Variants in CIC observed in about 807,000 individuals in gnomAD.
CIC encodes the protein capicua transcriptional repressor.
In CIC, 18 loss-of-function variants were observed where a neutral mutation model predicts 115.7. The observed-to-expected ratio is 0.16, with a 90% CI of 0.11 to 0.23. The LOEUF (loss-of-function observed/expected upper bound fraction) is 0.23. CIC is among the 10% of genes least tolerant of loss of function. The probability of loss-of-function intolerance (pLI) is 1.00; values close to 1 mark genes in which losing one functional copy is unlikely to be tolerated. For missense variants in CIC, 2,000 were observed against 2,159.3 expected (o/e 0.93, Z 1.46); for synonymous variants, 1,076 against 923.0 (o/e 1.17, Z -3.01).
intron 2 of CIC, among the ~76,000 whole-genome samples, chr19:42,282,713 T>A (rs2037315820): frequency 6.6e-6 from 1 of 152,234 alleles, no homozygotes. Flanking sequence ...TGCCACAGTT[T>A]ATTCAATCTC....
intron 19 of CIC, 66 bp from the exon 20 acceptor site, chr19:42,294,538 C>G: frequency 6.2e-7 from 1 of 1,607,392 alleles, no homozygotes. Context: ...TGGGTGGGCA[C>G]TCAGACGGTG....
chr19:42,282,089 C>T (rs1019229787), intron 2 of CIC, among the ~76,000 whole-genome samples: 1 of 152,152 alleles, frequency 6.6e-6, no homozygotes, highest in Non-Finnish European at 1.5e-5. Flanking sequence ...CCTCACATTG[C>T]AGTCCCTGGG....
chr19:42,278,111 G>A (rs1395752445), intron 2 of CIC, among the ~76,000 whole-genome samples: 1 of 152,242 alleles, frequency 6.6e-6, no homozygotes. Context: ...ATTTGCTTCC[G>A]CTGGGGGACT....
At chr19:42,284,870 G>C in intron 2 of CIC, 1 of 1,086,550 alleles carries the variant, frequency 9.2e-7, no homozygotes, top group South Asian at 1.3e-5. Flanking sequence ...GAGAACAGTA[G>C]AGGCAGAGTA....
rs536413486 is a variant in CIC at position 42,295,242 on chromosome 19, C to T, written c.*51C>T. 9 of 1,497,546 alleles carry T rather than the reference C, an allele frequency of 6.0e-6. No individual in the cohort carries two copies. Among genetic ancestry groups the T allele is most frequent in the Admixed American group, 2.0e-5 (1 of 50,470 alleles). The allele number at this position is 1,497,546 out of a possible 1,614,324, so 92.8% of individuals were successfully genotyped here. On this transcript the variant is annotated 3_prime_UTR_variant, in exon 21 of 21. Transcript: ENST00000681038. Reference sequence around the variant, plus strand: ...TTATAGTACCCCCTCAGGACATGGACAGTATGTGGGGGCAGGAAGGTTATC... The same window carrying T: ...TTATAGTACCCCCTCAGGACATGGATAGTATGTGGGGGCAGGAAGGTTATC...
Position 42,295,648 on chromosome 19 carries a change from C to A in CIC, c.*457C>A, listed in dbSNP as rs1397083948. ...ACGGGGAGGGTTTTCTCCTCACCCCCTCTGCCCTCCCAACTTGGGTTGTAC... is the reference window on the plus strand; with the variant it reads ...ACGGGGAGGGTTTTCTCCTCACCCCATCTGCCCTCCCAACTTGGGTTGTAC... On this transcript the variant is annotated 3_prime_UTR_variant, in exon 21 of 21. Transcript: ENST00000681038. 4.2e-6 allele frequency: 1 copy of A among 236,126 alleles called. No individual in the cohort carries two copies. Among genetic ancestry groups the A allele is most frequent in the East Asian group, 6.1e-5 (1 of 16,352 alleles). The allele number at this position is 236,126 out of a possible 1,614,324, so 14.6% of individuals were successfully genotyped here. A position where few individuals can be genotyped will look rare whatever the true frequency, so the allele number is the denominator to read the frequency against.
intron 2 of CIC, among the ~76,000 whole-genome samples, chr19:42,282,961 T>C (rs762467099): frequency 2.0e-5 from 3 of 152,170 alleles, no homozygotes; most frequent in Non-Finnish European, 4.4e-5. Flanking sequence ...CCCTGCCTTA[T>C]ACTGCTAGAC....
rs1449982993 is a variant in CIC, at chr19:42,272,576, G to A, written c.793G>A (p.Val265Met). The A allele has an allele frequency of 4.3e-5, 17 of 398,550 alleles. No individual in the cohort carries two copies. The South Asian group carries it at 6.4e-4, about 15-fold the overall frequency. 24.7% of individuals were successfully genotyped at this position (398,550 alleles called of 1,614,324 possible). ...TGCCACACCCCCACCAGGTGCCCTG[G>A]TGGTGGGCACAGCTGTCTGTACCTG... ...LDATPPPGALVVGTAVCTCVE... is the reference protein window; with the variant it reads ...LDATPPPGALMVGTAVCTCVE... Residue 265 changes from valine (V) to methionine (M), a missense_variant, in exon 2 of 21, where the codon GTG becomes ATG. Transcript: ENST00000681038.
chr19:42,295,421 A>G lies in CIC; in HGVS notation c.*230A>G, dbSNP rs1355174553. 3.5e-5 allele frequency: 19 copies of G among 548,128 alleles called. No individual in the cohort carries two copies. Among genetic ancestry groups the G allele is most frequent in the Middle Eastern group, 4.7e-4 (1 of 2,132 alleles). The allele number at this position is 548,128 out of a possible 1,614,324, so 34.0% of individuals were successfully genotyped here. A position where few individuals can be genotyped will look rare whatever the true frequency, so the allele number is the denominator to read the frequency against. ...GTCTCCCTCCTCCAAGCCCCTGTAC[A>G]TAACCTGGAGCGTGTGACCTTCAGA... On this transcript the variant is annotated 3_prime_UTR_variant, in exon 21 of 21. Transcript: ENST00000681038.
rs771492448 is a variant in CIC, at chr19:42,291,155, C to T, written c.5114C>T (p.Ala1705Val). ...PGGGTTAGSG[A>V]GAGSGPNGPV... Reference sequence around the variant, plus strand: ...GGTGGGACCACTGCGGGCTCAGGAGCAGGTGCTGGGAGTGGCCCCAATGGG... The same window carrying T: ...GGTGGGACCACTGCGGGCTCAGGAGTAGGTGCTGGGAGTGGCCCCAATGGG... The change falls in exon 11 of 21, where the codon GCA (alanine) becomes GTA (valine). Residue 1705 changes from alanine to valine, a missense_variant. Physicochemically the swap from Ala to Val is moderately conservative, Grantham distance 64. Coordinates refer to ENST00000681038, the MANE Select transcript of CIC (RefSeq NM_001386298.1). 5 of 1,607,872 alleles carry T rather than the reference C, an allele frequency of 3.1e-6. No individual in the cohort carries two copies. Among genetic ancestry groups the T allele is most frequent in the Non-Finnish European group, 4.3e-6 (5 of 1,176,110 alleles).
chr19:42,288,661 G>C (rs1321930225), intron 7 of CIC, among the ~76,000 whole-genome samples: 1 of 152,140 alleles, frequency 6.6e-6, no homozygotes, highest in Non-Finnish European at 1.5e-5. Flanking sequence ...TTACTTTCAG[G>C]AGGGCTGCCC....
rs1293597700 is a variant in CIC at position 42,290,688 on chromosome 19, A to G, written c.4647A>G (p.Gln1549=). The change falls in exon 11 of 21, where the codon CAA becomes CAG. Residue 1549 remains glutamine (Q), a synonymous_variant. Transcript: ENST00000681038. ...TLVLPPNKEE[Q]EGGGARVPSA... ...TGCTGCCCCCAAACAAGGAGGAGCA[A>G]GAGGGCGGCGGAGCCAGAGTGCCCT... 6.2e-7 allele frequency: 1 copy of G among 1,613,066 alleles called. No individual in the cohort carries two copies. The highest frequency in any genetic ancestry group is 8.5e-7 in the Non-Finnish European group (1 of 1,179,910).
intron 2 of CIC, chr19:42,284,019 G>A (rs934127405): frequency 6.7e-6 from 1 of 149,414 alleles, no homozygotes; most frequent in African/African-American, 2.4e-5. Flanking sequence ...GGGAAGGGGC[G>A]GGGGGAGGCG....
At chr19:42,286,386 C>T (rs1368937634) in intron 2 of CIC, among the ~76,000 whole-genome samples, 6 of 151,712 alleles carry the variant, frequency 4.0e-5, no homozygotes, top group Non-Finnish European at 5.9e-5. Flanking sequence ...TGTGGCATGA[C>T]GGGGGTGGGG....
Position 42,274,003 on chromosome 19 carries a change from C to G in CIC, c.2220C>G (p.Pro740=), listed in dbSNP as rs1412999326. Residue 740 remains proline (P), a synonymous_variant, in exon 2 of 21, where the codon CCC becomes CCG. Transcript: ENST00000681038. ...GTGGAGGAGCCGCCCCAGACTTTCC[C>G]AAGAGTGACAGCTTAGACTCTGGTG... The part of the protein sequence containing the change: ...AGGGGAAPDF[P]KSDSLDSGVD... 2.5e-6 allele frequency: 1 copy of G among 398,710 alleles called. No homozygotes were observed. The highest frequency in any genetic ancestry group is 2.1e-5 in the African/African-American group (1 of 48,622). The allele number at this position is 398,710 out of a possible 1,614,324, so 24.7% of individuals were successfully genotyped here. A position where few individuals can be genotyped will look rare whatever the true frequency, so the allele number is the denominator to read the frequency against.
rs531194820 is a variant in CIC, at chr19:42,270,675, A to G, written c.-10-1099A>G. 2.3e-4 allele frequency among the ~76,000 whole-genome samples: 35 copies of G among 152,126 alleles called. No homozygotes were observed. Among genetic ancestry groups the G allele is most frequent in the Middle Eastern group, 3.4e-3 (1 of 294 alleles). On this transcript the variant is annotated intron_variant, in intron 1 of 20. Coordinates refer to ENST00000681038, the MANE Select transcript of CIC (RefSeq NM_001386298.1). The surrounding 1 kb of genome is among the most constrained non-coding windows in gnomAD (Gnocchi z 4.1). Reference sequence around the variant, plus strand: ...CCGACTCAGCCACCCTGCCAGAGCCAGCCCAGCCAGGGCGGGGATGCATGC... The same window carrying G: ...CCGACTCAGCCACCCTGCCAGAGCCGGCCCAGCCAGGGCGGGGATGCATGC...
chr19:42,284,602 C>G, intron 2 of CIC: 1 of 583,770 alleles, frequency 1.7e-6, no homozygotes, highest in South Asian at 4.4e-5. Flanking sequence ...CCTCCCGCTC[C>G]CCCCGGGCCC....
chr19:42,295,143 G>GGGGCCCCCCCCC lies in CIC; in HGVS notation c.7506_7507insGGGCCCCCCCCC (p.Gln2502_Pro2503insGlyProProPro). The GGGGCCCCCCCCC allele has an allele frequency of 5.7e-5, 79 of 1,382,530 alleles. No homozygotes were observed. Among genetic ancestry groups the GGGGCCCCCCCCC allele is most frequent in the Non-Finnish European group, 7.1e-5 (74 of 1,037,634 alleles). The allele number at this position is 1,382,530 out of a possible 1,614,324, so 85.6% of individuals were successfully genotyped here. A position where few individuals can be genotyped will look rare whatever the true frequency, so the allele number is the denominator to read the frequency against. On this transcript the variant is annotated inframe_insertion, in exon 21 of 21. Transcript: ENST00000681038. ...AGCCTGGCTGGGAGGGGGCTCCCCA[G>GGGGCCCCCCCCC]CCCTCCCCCCCACCCCCAGGTCCCT...
At position 42,294,157 on chromosome 19, in the gene CIC, G is replaced by C. The variant is rs775984988; in HGVS notation, c.6923-16G>C. ...GACTGGGGCCACCTGCACTGAGTCT[G>C]CTTCTGTTTGGCCAGACCTGGATTC... is the stretch of plus-strand genomic sequence containing the variant. On this transcript the variant is annotated splice_polypyrimidine_tract_variant and intron_variant, in intron 18 of 20. Transcript: ENST00000681038. 3.2e-5 allele frequency: 52 copies of C among 1,613,768 alleles called. No individual in the cohort carries two copies. In the Middle Eastern group the frequency reaches 1.5e-3, roughly 46 times the overall value.
Sources: gnomAD v4.1 joint callset for allele counts (sites outside exome capture counted in the v4.1 genomes callset) on GRCh38, gnomAD v4.1.1 for gene constraint, Gnocchi (gnomAD v3.1) non-coding constraint, MANE v1.5 for transcripts, NCBI Gene and HGNC (gene_info 2026-07-23, HGNC 2026-07-21) for gene names.